SYTL5: variants seen among roughly 807,000 people sequenced by gnomAD.
The protein encoded by SYTL5 is synaptotagmin like 5, also known as synaptotagmin-like protein 5.
A neutral mutation model predicts 55.9 loss-of-function variants in SYTL5; 34 were observed. That is an observed-to-expected ratio of 0.61 (90% CI 0.46 to 0.81). The LOEUF is 0.81. SYTL5 is among the 30% of genes least tolerant of loss of function. The pLI is 0.00. For missense variants in SYTL5, 637 were observed against 546.7 expected (o/e 1.17, Z -1.65); for synonymous variants, 221 against 188.7 (o/e 1.17, Z -1.40).
At chrX:38,082,483 A>T (rs1266123870) in intron 6 of SYTL5, among the ~76,000 whole-genome samples, 1 of 112,444 alleles carries the variant, frequency 8.9e-6, no homozygotes, top group African/African-American at 3.2e-5. Flanking sequence ...CTCTGTTAAC[A>T]TTATTGACCT....
At chrX:38,090,333 T>C (rs942785285) in intron 7 of SYTL5, among the ~76,000 whole-genome samples, 1 of 111,875 alleles carries the variant, frequency 8.9e-6, no homozygotes, top group Non-Finnish European at 1.9e-5. Context: ...ATACATCTGT[T>C]AACATAGGGG....
At chrX:37,934,913 C>T in the SYTL5 span, among the ~76,000 whole-genome samples, 6 of 111,804 alleles carry the variant, frequency 5.4e-5, no homozygotes, top group Admixed American at 3.8e-4. Flanking sequence ...GGATTACAGG[C>T]GTGAGCCACA....
the SYTL5 span, among the ~76,000 whole-genome samples, chrX:37,919,297 G>A: frequency 9.0e-6 from 1 of 111,525 alleles, no homozygotes; most frequent in Admixed American, 9.6e-5. Context: ...GAGTAGCCAG[G>A]TGAAACAACA....
the SYTL5 span, among the ~76,000 whole-genome samples, chrX:37,971,904 C>T: frequency 1.8e-4 from 20 of 108,267 alleles, no homozygotes; most frequent in Non-Finnish European, 3.2e-4. Flanking sequence ...GTGCTGTTTG[C>T]GGGCAGGACT....
chrX:37,965,313 C>T, the SYTL5 span, among the ~76,000 whole-genome samples: 1 of 111,129 alleles, frequency 9.0e-6, no homozygotes, highest in Non-Finnish European at 1.9e-5. Context: ...CTGTAGACCT[C>T]CTCTGTGGAC....
the SYTL5 span, among the ~76,000 whole-genome samples, chrX:37,984,220 A>T: frequency 8.0e-5 from 9 of 112,111 alleles, no homozygotes; most frequent in East Asian, 2.5e-3. Context: ...CTTGGAAAAG[A>T]TGACAAATTT....
chrX:37,977,889 G>A, the SYTL5 span, among the ~76,000 whole-genome samples: 2 of 110,931 alleles, frequency 1.8e-5, no homozygotes, highest in South Asian at 7.7e-4. Context: ...GGAAGGGGTT[G>A]GTGGCGGTTT....
chrX:37,926,008 T>A, the SYTL5 span, among the ~76,000 whole-genome samples: 1 of 112,083 alleles, frequency 8.9e-6, no homozygotes, highest in Non-Finnish European at 1.9e-5. Flanking sequence ...ACTCGTTGAT[T>A]GATGGGCATT....
rs902727702 is a variant in SYTL5, at chrX:38,128,667, G to A, written c.*1937G>A. ...AGTAGGTCACCTAATTCTAGAAAAT[G>A]GTTATTAGTCTAGTGTCGCTTAGCA... On this transcript the variant is annotated 3_prime_UTR_variant, in exon 17 of 17. Transcript: ENST00000297875. The A allele has an allele frequency of 1.8e-5, 2 of 111,739 alleles. No homozygotes were observed. Among genetic ancestry groups the A allele is most frequent in the Admixed American group, 9.6e-5 (1 of 10,459 alleles). The allele number at this position is 111,739 out of a possible 1,213,427, so 9.2% of individuals were successfully genotyped here.
intron 1 of SYTL5, among the ~76,000 whole-genome samples, chrX:38,031,420 C>T (rs7881956): frequency 0.23 from 25,854 of 111,062 alleles, 5,328 homozygotes; most frequent in African/African-American, 0.66. Context: ...TGTTACTTCC[C>T]TCCCTTCATC....
intron 5 of SYTL5, among the ~76,000 whole-genome samples, chrX:38,076,232 C>A (rs1936386233): frequency 8.9e-6 from 1 of 112,052 alleles, no homozygotes; most frequent in Non-Finnish European, 1.9e-5. Flanking sequence ...GGAGTTCAAA[C>A]TCTCTATTCT....
chrX:37,993,922 A>T, the SYTL5 span, among the ~76,000 whole-genome samples: 2 of 112,355 alleles, frequency 1.8e-5, no homozygotes, highest in Non-Finnish European at 3.8e-5. Context: ...TACTGGGGTG[A>T]CCAGGTTCCT....
At chrX:37,898,023 G>A in the SYTL5 span, among the ~76,000 whole-genome samples, 8 of 111,341 alleles carry the variant, frequency 7.2e-5, no homozygotes, top group South Asian at 3.8e-4. Context: ...GCTTGAACCC[G>A]GGAGGCGGAG....
chrX:37,893,656 T>C, the SYTL5 span, among the ~76,000 whole-genome samples: 19 of 79,074 alleles, frequency 2.4e-4, 2 homozygotes, highest in African/African-American at 1.0e-3. Context: ...TAATTATATA[T>C]AAAATCTATA....
the SYTL5 span, among the ~76,000 whole-genome samples, chrX:37,921,528 T>A: frequency 8.9e-6 from 1 of 111,755 alleles, no homozygotes; most frequent in African/African-American, 3.2e-5. Flanking sequence ...ATTATTCACA[T>A]CATTAAGATC....
chrX:37,999,937 G>A, the SYTL5 span, among the ~76,000 whole-genome samples: 2 of 111,581 alleles, frequency 1.8e-5, no homozygotes, highest in East Asian at 5.6e-4. Flanking sequence ...TAGCGCTCAA[G>A]ATAGAAGGTG....
the SYTL5 span, among the ~76,000 whole-genome samples, chrX:37,912,552 C>G: frequency 9.0e-6 from 1 of 111,640 alleles, no homozygotes; most frequent in East Asian, 2.8e-4. Flanking sequence ...CACCCTCAAA[C>G]CTAATAAATA....
chrX:38,004,359 G>A (rs1246045616), upstream of SYTL5, among the ~76,000 whole-genome samples: 2 of 111,442 alleles, frequency 1.8e-5, no homozygotes, highest in African/African-American at 3.3e-5. Flanking sequence ...ATGGAGAACC[G>A]TTTGTAGGTT....
At chrX:37,897,550 G>C in the SYTL5 span, among the ~76,000 whole-genome samples, 7 of 110,464 alleles carry the variant, frequency 6.3e-5, no homozygotes, top group Non-Finnish European at 9.5e-5. Context: ...TCTCATGTGA[G>C]AGTATGACAA....
Sources: allele counts gnomAD v4.1 joint callset (sites outside exome capture counted in the v4.1 genomes callset), GRCh38; gene constraint gnomAD v4.1.1; transcripts MANE v1.5; gene names NCBI Gene and HGNC (gene_info 2026-07-23, HGNC 2026-07-21).